LDB2: variants seen among roughly 807,000 people sequenced by gnomAD.
The protein encoded by LDB2 is LIM domain-binding protein 2.
A neutral mutation model predicts 44.3 loss-of-function variants in LDB2; 12 were observed. The ratio of observed to expected loss-of-function variants is 0.27; its 90% CI spans 0.17 to 0.44. The LOEUF is 0.44. Ranked by LOEUF, LDB2 falls within the 20% of genes least tolerant of loss-of-function variation. The probability of loss-of-function intolerance (pLI) is 1.00; values close to 1 mark genes in which losing one functional copy is unlikely to be tolerated. For synonymous variants in LDB2, 164 were observed against 174.8 expected, an observed-to-expected ratio of 0.94 and a Z score of 0.49; for missense variants, 344 against 473.5, an observed-to-expected ratio of 0.73 and a Z score of 2.54.
intron 2 of LDB2, among the ~76,000 whole-genome samples, chr4:16,699,113 A>G (rs1205366987): frequency 6.6e-6 from 1 of 152,202 alleles, no homozygotes; most frequent in Non-Finnish European, 1.5e-5. Context: ...TTAAGCAGAG[A>G]GCAAAATAAA....
At chr4:16,809,474 T>C (rs1003499487) in intron 1 of LDB2, among the ~76,000 whole-genome samples, 1 of 152,208 alleles carries the variant, frequency 6.6e-6, no homozygotes, top group Non-Finnish European at 1.5e-5. Context: ...ACTGGGCAGA[T>C]GCAGGCACAA....
intron 1 of LDB2, among the ~76,000 whole-genome samples, chr4:16,767,864 T>C (rs1769706022): frequency 6.6e-6 from 1 of 152,208 alleles, no homozygotes; most frequent in South Asian, 2.1e-4. Flanking sequence ...AGCCTAATCA[T>C]ATATCAGGAT....
At chr4:16,714,019 C>T (rs556422026) in intron 2 of LDB2, among the ~76,000 whole-genome samples, 43 of 152,182 alleles carry the variant, frequency 2.8e-4, no homozygotes, top group African/African-American at 7.7e-4. Flanking sequence ...CATTCACCGG[C>T]GAGAAGATAT....
intron 1 of LDB2, among the ~76,000 whole-genome samples, chr4:16,788,565 C>T (rs889243399): frequency 2.0e-5 from 3 of 152,194 alleles, no homozygotes; most frequent in Non-Finnish European, 4.4e-5. Flanking sequence ...GGGCCCCAAG[C>T]CATCCCAACC....
At chr4:16,547,922 A>T (rs1216552403) in intron 5 of LDB2, among the ~76,000 whole-genome samples, 1 of 151,678 alleles carries the variant, frequency 6.6e-6, no homozygotes, top group Non-Finnish European at 1.5e-5. Context: ...ATTTACAAAC[A>T]TTCATTTGGA....
intron 5 of LDB2, among the ~76,000 whole-genome samples, chr4:16,541,754 C>T (rs1246271501): frequency 6.6e-6 from 1 of 152,180 alleles, no homozygotes; most frequent in Non-Finnish European, 1.5e-5. Context: ...CTCACCTCAT[C>T]TATCACATAA....
At chr4:16,598,893 T>TA (rs1307737883) in intron 2 of LDB2, among the ~76,000 whole-genome samples, 3 of 132,346 alleles carry the variant, frequency 2.3e-5, no homozygotes, top group South Asian at 2.4e-4. Flanking sequence ...TTTTTTTTTT[T>TA]AAATTGGCTC....
chr4:16,802,120 G>A (rs769274326), intron 1 of LDB2, among the ~76,000 whole-genome samples: 19 of 151,722 alleles, frequency 1.3e-4, no homozygotes, highest in Non-Finnish European at 2.2e-4. Context: ...GTAAGCATTA[G>A]CCCCACCCAT....
rs79255420 is a variant in LDB2, at chr4:16,840,396, C to T, written c.132+57958G>A. Reference sequence around the variant, plus strand: ...TTATCAATGAACCTAATCACAAATACACATCAATAATTTCCATGTCCTCTT... The same window carrying T: ...TTATCAATGAACCTAATCACAAATATACATCAATAATTTCCATGTCCTCTT... On this transcript the variant is annotated intron_variant, in intron 1 of 7. Coordinates refer to ENST00000304523, the MANE Select transcript of LDB2 (RefSeq NM_001290.5). Among the ~76,000 whole-genome samples, 9 of 152,240 alleles carry T rather than the reference C, an allele frequency of 5.9e-5. No homozygotes were observed. The East Asian group carries it at 1.7e-3, about 29-fold the overall frequency.
chr4:16,738,506 C>T (rs1762345670), intron 2 of LDB2, among the ~76,000 whole-genome samples: 1 of 152,196 alleles, frequency 6.6e-6, no homozygotes, highest in South Asian at 2.1e-4. Flanking sequence ...AGACTAAAAG[C>T]TACCGCTTAG....
chr4:16,853,293 AC>A (rs1788644917), intron 1 of LDB2, among the ~76,000 whole-genome samples: 1 of 152,208 alleles, frequency 6.6e-6, no homozygotes, highest in African/African-American at 2.4e-5. Context: ...TAGTGAAAAA[AC>A]AAATAATCCA....
intron 2 of LDB2, among the ~76,000 whole-genome samples, chr4:16,757,671 G>C (rs1444323218): frequency 6.6e-6 from 1 of 152,176 alleles, no homozygotes; most frequent in Non-Finnish European, 1.5e-5. Flanking sequence ...TGCTTGGTTA[G>C]AAATTAAACG....
At chr4:16,668,051 A>AAAAATG (rs1286313709) in intron 2 of LDB2, among the ~76,000 whole-genome samples, 1 of 152,258 alleles carries the variant, frequency 6.6e-6, no homozygotes, top group Admixed American at 6.5e-5. Flanking sequence ...ACATCTTTAA[A>AAAAATG]AAAATGAAAT....
chr4:16,527,511 G>T (rs1348898148), intron 5 of LDB2, among the ~76,000 whole-genome samples: 1 of 152,180 alleles, frequency 6.6e-6, no homozygotes, highest in Non-Finnish European at 1.5e-5. Context: ...CACTATGGAA[G>T]ACAGTATGGA....
intron 2 of LDB2, among the ~76,000 whole-genome samples, chr4:16,727,545 T>C (rs114069453): frequency 3.9e-4 from 59 of 152,334 alleles, no homozygotes; most frequent in African/African-American, 1.3e-3. Flanking sequence ...TTTTGAGGTA[T>C]TTCTTACCTG....
At chr4:16,562,070 A>C (rs1742551404) in intron 5 of LDB2, among the ~76,000 whole-genome samples, 1 of 152,254 alleles carries the variant, frequency 6.6e-6, no homozygotes, top group African/African-American at 2.4e-5. Context: ...AAATTAATTC[A>C]AGATGGATTA....
intron 2 of LDB2, among the ~76,000 whole-genome samples, chr4:16,623,996 G>A (rs1321347272): frequency 6.6e-6 from 1 of 152,070 alleles, no homozygotes; most frequent in African/African-American, 2.4e-5. Context: ...GCCTCTCCTT[G>A]CCACCTCCCT....
At chr4:16,592,453 G>A (rs918460414) in intron 3 of LDB2, among the ~76,000 whole-genome samples, 7 of 112,034 alleles carry the variant, frequency 6.2e-5, no homozygotes, top group Non-Finnish European at 1.2e-4. Flanking sequence ...GCATTCATAT[G>A]CATTATACAT....
chr4:16,513,760 C>G (rs1219117901), intron 5 of LDB2, among the ~76,000 whole-genome samples: 1 of 152,122 alleles, frequency 6.6e-6, no homozygotes, highest in Non-Finnish European at 1.5e-5. Flanking sequence ...CAAAGTTTGT[C>G]TTTTACTTTG....
Sources: allele counts gnomAD v4.1 joint callset (sites outside exome capture counted in the v4.1 genomes callset), GRCh38; gene constraint gnomAD v4.1.1; transcripts MANE v1.5; gene names NCBI Gene and HGNC (gene_info 2026-07-23, HGNC 2026-07-21).